Variants in CHMP2B observed in about 807,000 individuals in gnomAD.
CHMP2B encodes VPS2 homolog B.
A neutral mutation model predicts 29.8 loss-of-function variants in CHMP2B; 22 were observed. The ratio of observed to expected loss-of-function variants is 0.74; its 90% CI spans 0.53 to 1.05. The LOEUF is 1.05. Among genes scored for constraint, CHMP2B ranks in the 50% least tolerant of loss-of-function variants. The pLI, the probability that CHMP2B is intolerant of heterozygous loss-of-function variation, is 0.00. For missense variants in CHMP2B, 261 were observed against 252.2 expected, an observed-to-expected ratio of 1.03 and a Z score of -0.24; for synonymous variants, 78 against 75.8, an observed-to-expected ratio of 1.03 and a Z score of -0.15.
chr3:87,240,794 A>C lies in CHMP2B; in HGVS notation c.126+4A>C. The C allele has an allele frequency of 3.1e-6, 5 of 1,606,526 alleles. No homozygotes were observed. Among genetic ancestry groups the C allele is most frequent in the Non-Finnish European group, 4.3e-6 (5 of 1,173,158 alleles). On this transcript the variant is annotated splice_donor_region_variant and intron_variant, in intron 2 of 5. Coordinates refer to ENST00000263780, the MANE Select transcript of CHMP2B (RefSeq NM_014043.4). ...AGAGAAACAAGAAAAACAGCTGGTAAGTAGAACGTTAAATTTCAGTTTAAC... is the reference window on the plus strand; with the variant it reads ...AGAGAAACAAGAAAAACAGCTGGTACGTAGAACGTTAAATTTCAGTTTAAC...
At chr3:87,237,921 T>G (rs1706043554) in intron 1 of CHMP2B, among the ~76,000 whole-genome samples, 1 of 152,176 alleles carries the variant, frequency 6.6e-6, no homozygotes, top group Non-Finnish European at 1.5e-5. Flanking sequence ...GTGCTATGGT[T>G]TCATATTCCT....
Position 87,249,978 on chromosome 3 carries a change from G to A in CHMP2B, c.424+1G>A. The A allele has an allele frequency of 6.7e-7, 1 of 1,501,468 alleles. No homozygotes were observed. The highest frequency in any genetic ancestry group is 1.2e-5 in the South Asian group (1 of 86,830). 93.0% of individuals were successfully genotyped at this position (1,501,468 alleles called of 1,614,324 possible). A position where few individuals can be genotyped will look rare whatever the true frequency, so the allele number is the denominator to read the frequency against. The stretch of plus-strand genomic sequence containing the variant: ...AAAATGGAAATGACTGAAGAAATGA[G>A]TAAGTTTAATAAATTATAATGAAAT... On this transcript the variant is annotated splice_donor_variant, in intron 4 of 5. Coordinates refer to ENST00000263780, the MANE Select transcript of CHMP2B (RefSeq NM_014043.4). LOFTEE classifies it high-confidence loss of function.
Position 87,245,815 on chromosome 3 carries a change from T to C in CHMP2B, c.228T>C (p.Phe76=), listed in dbSNP as rs1021994187. Residue 76 remains phenylalanine, a synonymous_variant, in exon 3 of 6, where the codon TTT becomes TTC. Transcript: ENST00000263780. ...VHLRKQKTRT[F]AVSSKVTSMS... is the part of the protein sequence containing the mutation. ...TACGGAAACAGAAGACGAGAACTTT[T>C]GCTGTAAGTTCAAAAGTTACTTCTA... The C allele has an allele frequency of 1.2e-6, 2 of 1,613,740 alleles. No homozygotes were observed. The highest frequency in any genetic ancestry group is 2.7e-5 in the African/African-American group (2 of 74,916).
At chr3:87,232,102 C>T (rs987578473) in intron 1 of CHMP2B, among the ~76,000 whole-genome samples, 1 of 152,008 alleles carries the variant, frequency 6.6e-6, no homozygotes, top group African/African-American at 2.4e-5. Context: ...AGTCTGGATC[C>T]ACACTTTGCC....
intron 3 of CHMP2B, 53 bp downstream of exon 3, chr3:87,245,961 A>T: frequency 7.0e-7 from 1 of 1,427,538 alleles, no homozygotes; most frequent in Non-Finnish European, 9.8e-7. Flanking sequence ...ACGATATTTA[A>T]ATATCAATAT....
At chr3:87,252,534 C>A (rs765552782) in intron 4 of CHMP2B, among the ~76,000 whole-genome samples, 3 of 151,824 alleles carry the variant, frequency 2.0e-5, no homozygotes, top group African/African-American at 4.8e-5. Context: ...CGTATCCTTG[C>A]CAGATTACTT....
chr3:87,250,610 C>T (rs1055714779), intron 4 of CHMP2B, among the ~76,000 whole-genome samples: 5 of 151,874 alleles, frequency 3.3e-5, no homozygotes, highest in Non-Finnish European at 7.4e-5. Flanking sequence ...TAAGCAGATA[C>T]TCATGACCTT....
intron 1 of CHMP2B, among the ~76,000 whole-genome samples, chr3:87,233,881 C>G (rs1003508764): frequency 1.3e-5 from 2 of 151,988 alleles, no homozygotes; most frequent in East Asian, 3.8e-4. Flanking sequence ...GGAAATTTGG[C>G]TTATTAGATT....
chr3:87,237,573 C>T (rs987930619), intron 1 of CHMP2B, among the ~76,000 whole-genome samples: 8 of 152,224 alleles, frequency 5.3e-5, no homozygotes, highest in South Asian at 2.1e-4. Flanking sequence ...CAGCATGTTC[C>T]AATCCATGCT....
At chr3:87,244,867 C>A (rs906179858) in intron 2 of CHMP2B, among the ~76,000 whole-genome samples, 1 of 152,126 alleles carries the variant, frequency 6.6e-6, no homozygotes, top group Non-Finnish European at 1.5e-5. Context: ...TATATCACTG[C>A]AGATTTTCTG....
chr3:87,242,288 G>A (rs934549918), intron 2 of CHMP2B, among the ~76,000 whole-genome samples: 1 of 151,428 alleles, frequency 6.6e-6, no homozygotes, highest in South Asian at 2.1e-4. Context: ...GGGTTTTTTG[G>A]GTTATTTTGA....
intron 3 of CHMP2B, 98 bp from the exon 4 acceptor site, chr3:87,249,777 A>T (rs1575970781): frequency 8.8e-6 from 6 of 685,444 alleles, no homozygotes; most frequent in East Asian, 2.8e-5. Flanking sequence ...ATATCTTTTT[A>T]AAGCCTATCT....
At chr3:87,244,889 C>T (rs1004230063) in intron 2 of CHMP2B, among the ~76,000 whole-genome samples, 1 of 152,146 alleles carries the variant, frequency 6.6e-6, no homozygotes, top group East Asian at 1.9e-4. Context: ...CTACTTGTAA[C>T]AATTAGACTT....
chr3:87,238,766 T>C (rs1019196452), intron 1 of CHMP2B, among the ~76,000 whole-genome samples: 3 of 152,204 alleles, frequency 2.0e-5, no homozygotes, highest in Non-Finnish European at 4.4e-5. Flanking sequence ...AACATTCATG[T>C]AGAAGTATTT....
At chr3:87,233,521 T>A (rs1214591066) in intron 1 of CHMP2B, among the ~76,000 whole-genome samples, 3 of 152,152 alleles carry the variant, frequency 2.0e-5, no homozygotes, top group Non-Finnish European at 2.9e-5. Context: ...ACTTTACTGT[T>A]CATTGGCAAG....
At chr3:87,250,180 T>G (rs1191254381) in intron 4 of CHMP2B, among the ~76,000 whole-genome samples, 1 of 151,956 alleles carries the variant, frequency 6.6e-6, no homozygotes, top group Non-Finnish European at 1.5e-5. Context: ...TTCAGCAGTT[T>G]TACTTTACTG....
In CHMP2B at chr3:87,253,823, T is replaced by A. The variant is rs570991078; in HGVS notation, c.*1T>A. On this transcript the variant is annotated 3_prime_UTR_variant, in exon 6 of 6. Transcript: ENST00000263780. ...ACTCAAGGCTTTAGGAGTAGATTAGTCAAAAGAAGTCATACTATTTTGCTT... is the reference window on the plus strand; with the variant it reads ...ACTCAAGGCTTTAGGAGTAGATTAGACAAAAGAAGTCATACTATTTTGCTT... 6.3e-7 allele frequency: 1 copy of A among 1,597,536 alleles called. No individual in the cohort carries two copies. Among genetic ancestry groups the A allele is most frequent in the East Asian group, 2.2e-5 (1 of 44,726 alleles).
chr3:87,250,052 A>G (rs1302617753), intron 4 of CHMP2B, 75 bp downstream of exon 4: 1 of 861,412 alleles, frequency 1.2e-6, no homozygotes, highest in African/African-American at 1.7e-5. Context: ...TATGTCTCAT[A>G]TTCTCATTCA....
At chr3:87,245,572 T>C in intron 2 of CHMP2B, 142 bp from the exon 3 acceptor site, 1 of 704,624 alleles carries the variant, frequency 1.4e-6, no homozygotes, top group South Asian at 2.0e-5. Flanking sequence ...TCTTTTGCTC[T>C]ATGACTTTAT....
Sources: gnomAD v4.1 joint callset for allele counts (sites outside exome capture counted in the v4.1 genomes callset) on GRCh38, gnomAD v4.1.1 for gene constraint, MANE v1.5 for transcripts, NCBI Gene and HGNC (gene_info 2026-07-23, HGNC 2026-07-21) for gene names.